Variants in TMEM51 observed in about 807,000 individuals in gnomAD.
The protein encoded by TMEM51 is transmembrane protein 51.
In TMEM51, 8 loss-of-function variants were observed where a neutral mutation model predicts 13.6. The ratio of observed to expected loss-of-function variants is 0.59; its 90% confidence interval spans 0.35 to 1.07. The LOEUF (loss-of-function observed/expected upper bound fraction) is 1.07. Among genes scored for constraint, TMEM51 ranks in the 50% least tolerant of loss-of-function variants. The pLI is 0.02. For missense variants in TMEM51, 279 were observed against 330.7 expected, an observed-to-expected ratio of 0.84 and a Z score of 1.21; for synonymous variants, 147 against 144.4, an observed-to-expected ratio of 1.02 and a Z score of -0.13.
chr1:15,187,664 AGGCATTCCCACCACG>A (rs1643822118), intron 1 of TMEM51, among the ~76,000 whole-genome samples: 1 of 152,182 alleles, frequency 6.6e-6, no homozygotes. Flanking sequence ...AACAGCCCAG[AGGCATTCCCACCACG>A]GTGATTTATG....
At chr1:15,169,209 G>A (rs1216844589) in intron 1 of TMEM51, among the ~76,000 whole-genome samples, 1 of 152,106 alleles carries the variant, frequency 6.6e-6, no homozygotes, top group East Asian at 1.9e-4. Flanking sequence ...GTCTCATTCT[G>A]AACTATGATG....
intron 1 of TMEM51, among the ~76,000 whole-genome samples, chr1:15,209,235 CATTATT>C (rs57675605): frequency 0.82 from 121,477 of 147,968 alleles, 50,659 homozygotes; most frequent in East Asian, 0.97. Context: ...ACACTGGGCT[CATTATT>C]ATTATTATTA....
At chr1:15,209,493 C>A (rs1644303428) in intron 1 of TMEM51, among the ~76,000 whole-genome samples, 1 of 152,158 alleles carries the variant, frequency 6.6e-6, no homozygotes, top group Non-Finnish European at 1.5e-5. Flanking sequence ...TGGTTTTGAA[C>A]TTCATTTAAG....
chr1:15,194,255 A>T (rs1253372070), intron 1 of TMEM51, among the ~76,000 whole-genome samples: 1 of 152,256 alleles, frequency 6.6e-6, no homozygotes, highest in Non-Finnish European at 1.5e-5. Flanking sequence ...TTAATAATAT[A>T]TTTAGCTCGA....
chr1:15,188,165 G>A (rs72642308), intron 1 of TMEM51, among the ~76,000 whole-genome samples: 20,547 of 152,112 alleles, frequency 0.14, 1,750 homozygotes, highest in Non-Finnish European at 0.19. Flanking sequence ...TCTCCACCTC[G>A]GCTCGCGTTA....
At chr1:15,177,699 G>T (rs779199424) in intron 1 of TMEM51, among the ~76,000 whole-genome samples, 1 of 152,102 alleles carries the variant, frequency 6.6e-6, no homozygotes, top group Non-Finnish European at 1.5e-5. Context: ...TTGATTGATT[G>T]ATTGATTGAT....
At chr1:15,172,941 G>A (rs1330694750) in intron 1 of TMEM51, among the ~76,000 whole-genome samples, 4 of 152,126 alleles carry the variant, frequency 2.6e-5, no homozygotes, top group Non-Finnish European at 4.4e-5. Context: ...GTGTAAGGTC[G>A]GGTGCTGTCT....
intron 1 of TMEM51, among the ~76,000 whole-genome samples, chr1:15,201,151 C>T (rs1401215520): frequency 6.6e-6 from 1 of 152,214 alleles, no homozygotes; most frequent in Admixed American, 6.5e-5. Flanking sequence ...TGACTTTGAG[C>T]AAGTTTCTTA....
chr1:15,182,821 G>T (rs1643662183), intron 1 of TMEM51, among the ~76,000 whole-genome samples: 1 of 152,178 alleles, frequency 6.6e-6, no homozygotes, highest in Non-Finnish European at 1.5e-5. Flanking sequence ...GGAGTGCAGT[G>T]GCGTGATCTC....
rs149796066 is a variant in TMEM51 at position 15,219,691 on chromosome 1, C to T, written c.710C>T (p.Pro237Leu). 24 of 1,613,744 alleles carry T rather than the reference C, an allele frequency of 1.5e-5. No homozygotes were observed. Among genetic ancestry groups the T allele is most frequent in the South Asian group, 3.3e-5 (3 of 91,082 alleles). ...TCGATAGAGCCTTTGACTCCTCCAC[C>T]GCAGTATGATGAAGTCCAGGAGAAG... is the stretch of plus-strand genomic sequence containing the variant. ...PPSIEPLTPPPQYDEVQEKAP... is the reference protein window; with the variant it reads ...PPSIEPLTPPLQYDEVQEKAP... The change falls in exon 4 of 4, where the codon CCG becomes CTG. Residue 237 changes from proline (P) to leucine (L), a missense_variant. Physicochemically the swap from Pro to Leu is moderately conservative, Grantham distance 98 (BLOSUM62 -3). Transcript: ENST00000376008.
chr1:15,185,214 A>G (rs140120050), intron 1 of TMEM51, among the ~76,000 whole-genome samples: 1 of 152,304 alleles, frequency 6.6e-6, no homozygotes, highest in East Asian at 1.9e-4. Flanking sequence ...AAGACTGTTC[A>G]TTTTGTCAAA....
intron 1 of TMEM51, among the ~76,000 whole-genome samples, chr1:15,182,020 G>A (rs570008341): frequency 2.6e-5 from 4 of 152,102 alleles, no homozygotes; most frequent in South Asian, 4.2e-4. Context: ...AATTAGCTGG[G>A]CGTGGTGGTG....
intron 1 of TMEM51, among the ~76,000 whole-genome samples, chr1:15,154,437 A>G (rs1642515874): frequency 6.6e-6 from 1 of 152,168 alleles, no homozygotes; most frequent in Non-Finnish European, 1.5e-5. Context: ...GTCGCTCTAC[A>G]AGCAAACACG....
chr1:15,176,386 G>A (rs183797690), intron 1 of TMEM51, among the ~76,000 whole-genome samples: 7 of 152,318 alleles, frequency 4.6e-5, no homozygotes, highest in Admixed American at 2.0e-4. Context: ...CTAAATGGCC[G>A]GTAGCAATTG....
chr1:15,153,728 C>T (rs980655300), upstream of TMEM51: 2 of 152,156 alleles, frequency 1.3e-5, no homozygotes, highest in African/African-American at 2.4e-5. Flanking sequence ...GTCCCTCCCT[C>T]CCGCACGCCG....
chr1:15,182,973 G>A (rs1402214095), intron 1 of TMEM51, among the ~76,000 whole-genome samples: 2 of 152,158 alleles, frequency 1.3e-5, no homozygotes, highest in African/African-American at 4.8e-5. Flanking sequence ...ATGTTGGCCA[G>A]GCTGGTCTCA....
chr1:15,157,610 T>A (rs1409846349), intron 1 of TMEM51, among the ~76,000 whole-genome samples: 6 of 152,188 alleles, frequency 3.9e-5, no homozygotes, highest in African/African-American at 1.4e-4. Context: ...TTTTGTGGCA[T>A]CCGTGGTGAC....
intron 1 of TMEM51, among the ~76,000 whole-genome samples, chr1:15,184,105 T>C (rs941049453): frequency 2.5e-5 from 3 of 120,526 alleles, no homozygotes. Flanking sequence ...AGTGGCACGA[T>C]CTCAGTTCAC....
chr1:15,191,132 G>A (rs1248890641), intron 1 of TMEM51, among the ~76,000 whole-genome samples: 1 of 152,212 alleles, frequency 6.6e-6, no homozygotes, highest in Non-Finnish European at 1.5e-5. Context: ...CGGAGTCAGA[G>A]AAGGAGGTGT....
Sources: gnomAD v4.1 joint callset for allele counts (sites outside exome capture counted in the v4.1 genomes callset) on GRCh38, gnomAD v4.1.1 for gene constraint, MANE v1.5 for transcripts, NCBI Gene and HGNC (gene_info 2026-07-23, HGNC 2026-07-21) for gene names.